The following HDX variants were observed in gnomAD, a reference collection of about 807,000 sequenced individuals.
HDX encodes highly divergent homeobox.
HDX carries 19 observed loss-of-function variants against 45.2 expected under a neutral mutation model. That is an observed-to-expected ratio of 0.42 (90% CI 0.29 to 0.62). The LOEUF (loss-of-function observed/expected upper bound fraction) is 0.62. HDX is among the 20% of genes least tolerant of loss of function. HDX has a pLI of 0.20. For missense variants in HDX, 532 were observed against 493.9 expected (o/e 1.08, Z -0.73); for synonymous variants, 188 against 172.8 (o/e 1.09, Z -0.69).
At chrX:84,350,548 G>A (rs1288725755) in intron 6 of HDX, among the ~76,000 whole-genome samples, 1 of 111,519 alleles carries the variant, frequency 9.0e-6, no homozygotes, top group Non-Finnish European at 1.9e-5. Context: ...ATGTCTCCTT[G>A]ATAAAATTTA....
intron 5 of HDX, among the ~76,000 whole-genome samples, chrX:84,402,943 G>A (rs2038739771): frequency 9.0e-6 from 1 of 111,112 alleles, no homozygotes; most frequent in African/African-American, 3.3e-5. Flanking sequence ...AGAACACTAT[G>A]GAAGATTACC....
chrX:84,365,563 A>G (rs1203062216), intron 5 of HDX, among the ~76,000 whole-genome samples: 22 of 111,836 alleles, frequency 2.0e-4, no homozygotes, highest in Admixed American at 1.7e-3. Context: ...GCTTGTTTGA[A>G]TCATTCTGTG....
chrX:84,485,913 A>G (rs1330999894), intron 2 of HDX, among the ~76,000 whole-genome samples: 1 of 111,805 alleles, frequency 8.9e-6, no homozygotes, highest in East Asian at 2.8e-4. Flanking sequence ...ATCACTTTCC[A>G]TATTGTATTT....
At chrX:84,385,622 A>G (rs2038300375) in intron 5 of HDX, among the ~76,000 whole-genome samples, 1 of 109,913 alleles carries the variant, frequency 9.1e-6, no homozygotes, top group Non-Finnish European at 1.9e-5. Flanking sequence ...GGGATTTGTA[A>G]ATGGGATTGT....
At chrX:84,441,761 G>T (rs1287899391) in intron 4 of HDX, among the ~76,000 whole-genome samples, 1 of 111,084 alleles carries the variant, frequency 9.0e-6, no homozygotes, top group Non-Finnish European at 1.9e-5. Flanking sequence ...AATACTTTCT[G>T]ATAATTTCCC....
chrX:84,336,936 A>G (rs2036977514), intron 7 of HDX, 56 bp from the exon 8 acceptor site: 2 of 749,239 alleles, frequency 2.7e-6, no homozygotes, highest in Non-Finnish European at 2.0e-6. Flanking sequence ...TCTTGAGAAT[A>G]CTATTTTCAA....
At chrX:84,486,449 G>A (rs1437207489) in intron 2 of HDX, among the ~76,000 whole-genome samples, 1 of 111,152 alleles carries the variant, frequency 9.0e-6, no homozygotes. Flanking sequence ...ATTTAATTTG[G>A]TCTTTTTTTG....
intron 3 of HDX, 128 bp downstream of exon 3, chrX:84,475,123 G>T: frequency 4.0e-6 from 2 of 497,015 alleles, no homozygotes; most frequent in Non-Finnish European, 3.4e-6. Flanking sequence ...AAATAGTATT[G>T]TTATACCAGG....
intron 5 of HDX, among the ~76,000 whole-genome samples, chrX:84,418,033 A>G (rs2039155818): frequency 8.9e-6 from 1 of 112,123 alleles, no homozygotes; most frequent in East Asian, 2.8e-4. Flanking sequence ...GTTTCTGAAG[A>G]AAAAACAACT....
chrX:84,493,353 T>G (rs1216531953), intron 1 of HDX, among the ~76,000 whole-genome samples: 1 of 111,691 alleles, frequency 9.0e-6, no homozygotes, highest in Non-Finnish European at 1.9e-5. Flanking sequence ...AAAAGGAGAT[T>G]TTAATAAAAA....
rs1211888624 is a variant in HDX at position 84,336,830 on chromosome X, C to T, written c.1711G>A (p.Asp571Asn). 14 of 1,186,327 alleles carry T rather than the reference C, an allele frequency of 1.2e-5. No homozygotes were observed. The highest frequency in any genetic ancestry group is 4.5e-5 in the Admixed American group (2 of 44,790). The stretch of plus-strand genomic sequence containing the variant: ...TTATCTGTGGTTACTGCATGGTGGT[C>T]CTCTTCCTTATGAGCCCTTGCATCA... ...PNDARAHKEE[D>N]HHAVTTDNVK... The change falls in exon 8 of 11, where the codon GAC becomes AAC. Residue 571 changes from aspartate (D) to asparagine (N), a missense_variant. Physicochemically the swap from Asp to Asn is conservative, Grantham distance 23. Coordinates refer to ENST00000373177, the MANE Select transcript of HDX (RefSeq NM_001177479.2).
chrX:84,372,536 A>G (rs1308559906), intron 5 of HDX, among the ~76,000 whole-genome samples: 1 of 112,221 alleles, frequency 8.9e-6, no homozygotes, highest in East Asian at 2.8e-4. Flanking sequence ...GGATTCTGTA[A>G]TATAAGTTTG....
chrX:84,357,305 G>A (rs1158373835), intron 6 of HDX, among the ~76,000 whole-genome samples: 4 of 111,235 alleles, frequency 3.6e-5, no homozygotes, highest in African/African-American at 1.3e-4. Context: ...GTATGAATGT[G>A]TTGAAAGGAG....
rs1028645553 is a variant in HDX, at chrX:84,348,836, T to C, written c.1453-4379A>G. ...CTAGGATAGTTAGGTCATGATAAAATCCCAATAGGTTAGGCTCTGGTAAAA... is the reference window on the plus strand; with the variant it reads ...CTAGGATAGTTAGGTCATGATAAAACCCCAATAGGTTAGGCTCTGGTAAAA... On this transcript the variant is annotated intron_variant, in intron 6 of 10. Coordinates refer to ENST00000373177, the MANE Select transcript of HDX (RefSeq NM_001177479.2). Among the ~76,000 whole-genome samples the C allele has an allele frequency of 1.9e-4, 21 of 111,738 alleles. No individual in the cohort carries two copies. In the Admixed American group the frequency reaches 1.9e-3, roughly 10 times the overall value.
chrX:84,405,864 T>C (rs1291589563), intron 5 of HDX, among the ~76,000 whole-genome samples: 2 of 110,469 alleles, frequency 1.8e-5, no homozygotes, highest in African/African-American at 6.6e-5. Flanking sequence ...AATGAGCACT[T>C]TCAAATTTAT....
At chrX:84,361,200 T>C (rs58129871) in intron 6 of HDX, among the ~76,000 whole-genome samples, 6,935 of 111,861 alleles carry the variant, frequency 0.062, 239 homozygotes, top group African/African-American at 0.13. Flanking sequence ...GCAATATGTA[T>C]ATCTTTTTAA....
chrX:84,485,690 G>A (rs576475200), intron 2 of HDX, among the ~76,000 whole-genome samples: 2 of 112,143 alleles, frequency 1.8e-5, no homozygotes, highest in South Asian at 3.7e-4. Context: ...TAGCCACCAG[G>A]CCCAGCCAAC....
At chrX:84,443,126 T>C (rs2039798184) in intron 4 of HDX, among the ~76,000 whole-genome samples, 2 of 111,909 alleles carry the variant, frequency 1.8e-5, no homozygotes, top group South Asian at 7.3e-4. Context: ...AAATGTTATA[T>C]TTAACTAATC....
intron 5 of HDX, among the ~76,000 whole-genome samples, chrX:84,402,608 G>GT (rs1230192267): frequency 7.2e-5 from 8 of 110,572 alleles, no homozygotes; most frequent in Middle Eastern, 4.7e-3. Flanking sequence ...TCCATCTCCT[G>GT]TTTTTTTTAT....
Sources: gnomAD v4.1 joint callset for allele counts (sites outside exome capture counted in the v4.1 genomes callset) on GRCh38, gnomAD v4.1.1 for gene constraint, MANE v1.5 for transcripts, NCBI Gene and HGNC (gene_info 2026-07-23, HGNC 2026-07-21) for gene names.